ZNF33B: variants seen among roughly 807,000 people sequenced by gnomAD.
ZNF33B encodes zinc finger protein 11b (KOX 2).
A neutral mutation model predicts 45.8 loss-of-function variants in ZNF33B; 29 were observed. The ratio of observed to expected loss-of-function variants is 0.63; its 90% confidence interval spans 0.47 to 0.86. The LOEUF (loss-of-function observed/expected upper bound fraction) is 0.86, where lower values mean the gene tolerates loss of function less well. ZNF33B is among the 40% of genes least tolerant of loss of function. The pLI is 0.00. For synonymous variants in ZNF33B, 305 were observed against 307.8 expected (o/e 0.99, Z 0.10); for missense variants, 831 against 909.9 (o/e 0.91, Z 1.12).
downstream of ZNF33B, among the ~76,000 whole-genome samples, chr10:42,587,282 A>T (rs976071895): frequency 6.6e-6 from 1 of 152,094 alleles, no homozygotes; most frequent in Admixed American, 6.5e-5. Context: ...TCACTGCAAC[A>T]TCCGCCTCCT....
At chr10:42,628,961 T>C (rs970368589) in intron 4 of ZNF33B, among the ~76,000 whole-genome samples, 11 of 152,268 alleles carry the variant, frequency 7.2e-5, no homozygotes, top group African/African-American at 2.6e-4. Context: ...CCTAGATATA[T>C]ACCCAAAAGA....
rs972980762 is a variant in ZNF33B at position 42,591,707 on chromosome 10, T to C, written c.*906A>G. On this transcript the variant is annotated 3_prime_UTR_variant, in exon 5 of 5. Transcript: ENST00000359467. ...GATGTGCTTAATGCTGTTGCCCTGA[T>C]TATTCAATTTATCTATGCTTTACAA... 2 of 273,646 alleles carry C rather than the reference T, an allele frequency of 7.3e-6. No individual in the cohort carries two copies. The highest frequency in any genetic ancestry group is 1.3e-4 in the Admixed American group (2 of 15,424). 17.0% of individuals were successfully genotyped at this position (273,646 alleles called of 1,614,324 possible). A position where few individuals can be genotyped will look rare whatever the true frequency, so the allele number is the denominator to read the frequency against.
At chr10:42,600,152 G>T (rs966826117) in intron 4 of ZNF33B, among the ~76,000 whole-genome samples, 1 of 152,048 alleles carries the variant, frequency 6.6e-6, no homozygotes, top group Non-Finnish European at 1.5e-5. Flanking sequence ...CCCTTGAAAA[G>T]AATGTATATT....
Position 42,623,047 on chromosome 10 carries a change from A to C in ZNF33B, c.250+8882T>G, listed in dbSNP as rs548232046. The stretch of plus-strand genomic sequence containing the variant: ...CTTTGGGAGGTCAAGGTGGGTGATC[A>C]CCTGAGGTCAGGAGTTCAAGACAAG... On this transcript the variant is annotated intron_variant, in intron 4 of 4. Transcript: ENST00000359467. Among the ~76,000 whole-genome samples, 249 of 152,254 alleles carry C rather than the reference A, an allele frequency of 1.6e-3. 1 individual carries two copies. The highest frequency in any genetic ancestry group is 5.7e-3 in the African/African-American group (236 of 41,546).
Position 42,591,230 on chromosome 10 carries a change from T to C in ZNF33B, c.*1383A>G, listed in dbSNP as rs912818288. 4.4e-6 allele frequency: 4 copies of C among 916,664 alleles called. No homozygotes were observed. The highest frequency in any genetic ancestry group is 1.8e-5 in the African/African-American group (1 of 55,318). The allele number at this position is 916,664 out of a possible 1,614,324, so 56.8% of individuals were successfully genotyped here. A position where few individuals can be genotyped will look rare whatever the true frequency, so the allele number is the denominator to read the frequency against. ...CAACAGCCCTGGGCAGCAACTGGGC[T>C]GTATGTGTGGGCCTCTTTCCAGGGC... On this transcript the variant is annotated 3_prime_UTR_variant, in exon 5 of 5. Coordinates refer to ENST00000359467, the MANE Select transcript of ZNF33B (RefSeq NM_006955.3).
intron 1 of ZNF33B, chr10:42,582,499 C>T (rs1445913579): frequency 5.9e-5 from 9 of 152,182 alleles, no homozygotes; most frequent in Non-Finnish European, 1.0e-4. Context: ...GAGCATGAGA[C>T]AAAAACAACT....
At chr10:42,588,359 G>A (rs1300938489), downstream of ZNF33B, among the ~76,000 whole-genome samples, 1 of 152,222 alleles carries the variant, frequency 6.6e-6, no homozygotes, top group Non-Finnish European at 1.5e-5. Context: ...CCAGCAACTG[G>A]TGGTTCTGTC....
Position 42,594,103 on chromosome 10 carries a change from ACTT to A in ZNF33B, c.844_846del (p.Lys282del), listed in dbSNP as rs764948127. The A allele has an allele frequency of 1.3e-5, 21 of 1,613,926 alleles. No individual in the cohort carries two copies. In the Admixed American group the frequency reaches 3.3e-4, roughly 26 times the overall value. On this transcript the variant is annotated inframe_deletion, in exon 5 of 5. Transcript: ENST00000359467. ...GAAAGGGTGGACTTCACACATAAGAACTTCTCACAATCACTAAATTCATAGTGA... is the reference window on the plus strand; with the variant it reads ...GAAAGGGTGGACTTCACACATAAGAACTCACAATCACTAAATTCATAGTGA...
At chr10:42,616,623 A>T (rs1838329410) in intron 4 of ZNF33B, among the ~76,000 whole-genome samples, 1 of 152,186 alleles carries the variant, frequency 6.6e-6, no homozygotes, top group Non-Finnish European at 1.5e-5. Flanking sequence ...GTGATACAAG[A>T]GATCCAGCAT....
intron 4 of ZNF33B, among the ~76,000 whole-genome samples, chr10:42,626,340 T>C (rs1323542891): frequency 1.3e-5 from 2 of 152,216 alleles, no homozygotes. Context: ...GTTTTATTAT[T>C]TTTGTACTGT....
chr10:42,611,044 G>A (rs1041154610), intron 4 of ZNF33B, among the ~76,000 whole-genome samples: 5 of 152,100 alleles, frequency 3.3e-5, no homozygotes, highest in African/African-American at 4.8e-5. Context: ...AAAACTTAAT[G>A]CTGAAAAATC....
chr10:42,636,380 A>G (rs1839300698), intron 2 of ZNF33B, among the ~76,000 whole-genome samples: 1 of 152,196 alleles, frequency 6.6e-6, no homozygotes, highest in South Asian at 2.1e-4. Flanking sequence ...ATCCATATCC[A>G]GTGTCTTCCT....
intron 4 of ZNF33B, among the ~76,000 whole-genome samples, chr10:42,595,335 T>C (rs1147918): frequency 0.28 from 42,565 of 152,094 alleles, 7,278 homozygotes; most frequent in Non-Finnish European, 0.39. Flanking sequence ...CTCAGGCTAC[T>C]GGGAAATCCA....
Position 42,593,803 on chromosome 10 carries a change from T to C in ZNF33B, c.1147A>G (p.Lys383Glu). The C allele has an allele frequency of 6.2e-7, 1 of 1,614,072 alleles. No homozygotes were observed. The highest frequency in any genetic ancestry group is 8.5e-7 in the Non-Finnish European group (1 of 1,179,962). Residue 383 changes from lysine (K) to glutamate (E), a missense_variant, in exon 5 of 5, where the codon AAA (lysine) becomes GAA (glutamate). Physicochemically the swap from Lys to Glu is moderately conservative, Grantham distance 56. Transcript: ENST00000359467. ...CCACATTCATTGCATTCAAAAGGTT[T>C]CTCCCCTGTGTGTGATCTCTGATGT... ...TKHQRSHTGE[K>E]PFECNECGKA...
chr10:42,582,186 T>A (rs1044359850), intron 1 of ZNF33B: 3 of 152,306 alleles, frequency 2.0e-5, no homozygotes, highest in Admixed American at 6.5e-5. Flanking sequence ...AGGGTTTGAT[T>A]ATGACAGTCA....
Position 42,594,072 on chromosome 10 carries a change from T to G in ZNF33B, c.878A>C (p.His293Pro), listed in dbSNP as rs769495072. The G allele has an allele frequency of 6.2e-7, 1 of 1,614,096 alleles. No individual in the cohort carries two copies. The highest frequency in any genetic ancestry group is 8.5e-7 in the Non-Finnish European group (1 of 1,179,966). The part of the protein sequence containing the change: ...FLCVKSTLSK[H>P]DGVPVKHYDC... ...ATAGTGTTTCACAGGTACCCCATCA[T>G]GTTTAGAAAGGGTGGACTTCACACA... Residue 293 changes from histidine to proline, a missense_variant, in exon 5 of 5, where the codon CAT (histidine) becomes CCT (proline). His to Pro is a moderately conservative substitution (Grantham distance 77). Transcript: ENST00000359467.
intron 4 of ZNF33B, among the ~76,000 whole-genome samples, chr10:42,631,193 G>A (rs209392): frequency 0.77 from 116,055 of 151,024 alleles, 45,179 homozygotes; most frequent in East Asian, 0.88. Context: ...ACATAATTTT[G>A]TTTTTTTTTT....
intron 1 of ZNF33B, among the ~76,000 whole-genome samples, chr10:42,637,857 T>C (rs1485694893): frequency 6.6e-6 from 1 of 152,170 alleles, no homozygotes. Context: ...TTTGCCATGT[T>C]GGTCAGGCTG....
At position 42,633,145 on chromosome 10, in the gene ZNF33B, G is replaced by A. The variant is rs1415780801; in HGVS notation, c.10-706C>T. Among the ~76,000 whole-genome samples, 4 of 152,134 alleles carry A rather than the reference G, an allele frequency of 2.6e-5. No homozygotes were observed. In the East Asian group the frequency reaches 5.8e-4, roughly 22 times the overall value. ...ATTCTCATTTAGATTTAAAAATGTA[G>A]AAAGCCTGACATTTTCTTCATCGCA... On this transcript the variant is annotated intron_variant, in intron 2 of 4. Transcript: ENST00000359467.
Sources: allele counts gnomAD v4.1 joint callset (sites outside exome capture counted in the v4.1 genomes callset), GRCh38; gene constraint gnomAD v4.1.1; transcripts MANE v1.5; gene names NCBI Gene and HGNC (gene_info 2026-07-23, HGNC 2026-07-21).